The following TGFBR2 variants were observed in gnomAD, a reference collection of about 807,000 sequenced individuals.
TGFBR2 encodes the protein TGF-beta receptor type-2.
Under a neutral mutation model 49.0 loss-of-function variants are expected in TGFBR2, and 18 were observed. The ratio of observed to expected loss-of-function variants is 0.37; its 90% CI spans 0.25 to 0.54. TGFBR2 has a LOEUF of 0.54. Among genes scored for constraint, TGFBR2 ranks in the 20% least tolerant of loss-of-function variants. The pLI is 0.85. For missense variants in TGFBR2, 525 were observed against 722.6 expected, an observed-to-expected ratio of 0.73 and a Z score of 3.13; for synonymous variants, 282 against 275.9, an observed-to-expected ratio of 1.02 and a Z score of -0.22.
intron 1 of TGFBR2, among the ~76,000 whole-genome samples, chr3:30,636,857 G>A (rs544693494): frequency 2.0e-5 from 3 of 152,098 alleles, no homozygotes; most frequent in South Asian, 2.1e-4. Context: ...GAGGTCAGGA[G>A]ATCGAGACCA....
At chr3:30,636,833 G>T (rs1277129643) in intron 1 of TGFBR2, among the ~76,000 whole-genome samples, 1 of 152,030 alleles carries the variant, frequency 6.6e-6, no homozygotes, top group East Asian at 1.9e-4. Flanking sequence ...GGGAGGCCAA[G>T]GTGGGCAGAT....
At position 30,693,869 on chromosome 3, in the gene TGFBR2, A is replaced by G. The variant is rs1399340455; in HGVS notation, c.*2270A>G. 1 of 232,798 alleles carries G rather than the reference A, an allele frequency of 4.3e-6. No homozygotes were observed. Among genetic ancestry groups the G allele is most frequent in the Non-Finnish European group, 8.5e-6 (1 of 117,480 alleles). 14.4% of individuals were successfully genotyped at this position (232,798 alleles called of 1,614,324 possible). A position where few individuals can be genotyped will look rare whatever the true frequency, so the allele number is the denominator to read the frequency against. ...TTTTCTTATTCAAGAAAAAAGACCA[A>G]GGAATAACATTCTGTAGTTCCTAAA... On this transcript the variant is annotated 3_prime_UTR_variant, in exon 7 of 7. Coordinates refer to ENST00000295754, the MANE Select transcript of TGFBR2 (RefSeq NM_003242.6).
intron 1 of TGFBR2, among the ~76,000 whole-genome samples, chr3:30,610,146 G>T (rs113266185): frequency 3.0e-4 from 46 of 152,310 alleles, no homozygotes; most frequent in African/African-American, 1.1e-3. Context: ...TGCCAGGCAG[G>T]ATGCTCAGAC....
Position 30,606,942 on chromosome 3 carries a change from T to A in TGFBR2, c.59T>A (p.Ile20Asn), listed in dbSNP as rs1037753551. 1 of 1,602,550 alleles carries A rather than the reference T, an allele frequency of 6.2e-7. No homozygotes were observed. The highest frequency in any genetic ancestry group is 8.5e-7 in the Non-Finnish European group (1 of 1,174,834). ...WPLHIVLWTR[I>N]ASTIPPHVQK... ...CTGCACATCGTCCTGTGGACGCGTA[T>A]CGCCAGCACGATCCCACCGCACGTT... The change falls in exon 1 of 7, where the codon ATC becomes AAC. Residue 20 changes from isoleucine to asparagine, a missense_variant. Physicochemically the swap from Ile to Asn is moderately radical, Grantham distance 149. Transcript: ENST00000295754.
At chr3:30,644,962 A>C in intron 2 of TGFBR2, 47 bp downstream of exon 2, 1 of 1,547,958 alleles carries the variant, frequency 6.5e-7, no homozygotes, top group Non-Finnish European at 8.9e-7. Flanking sequence ...CCCTTTTTAC[A>C]TAATGTATTC....
chr3:30,671,973 A>C lies in TGFBR2; in HGVS notation c.790A>C (p.Lys264Gln). 6.2e-7 allele frequency: 1 copy of C among 1,614,176 alleles called. No individual in the cohort carries two copies. Among genetic ancestry groups the C allele is most frequent in the East Asian group, 2.2e-5 (1 of 44,874 alleles). ...TGCTGAGGTCTATAAGGCCAAGCTG[A>C]AGCAGAACACTTCAGAGCAGTTTGA... Reference protein sequence around the residue: ...RFAEVYKAKLKQNTSEQFETV... With the variant: ...RFAEVYKAKLQQNTSEQFETV... Residue 264 changes from lysine to glutamine, a missense_variant, in exon 4 of 7, where the codon AAG becomes CAG. By Grantham distance (53) the Lys-to-Gln change is moderately conservative (BLOSUM62 1). Coordinates refer to ENST00000295754, the MANE Select transcript of TGFBR2 (RefSeq NM_003242.6).
chr3:30,690,384 G>A (rs1337023720), intron 6 of TGFBR2, among the ~76,000 whole-genome samples: 1 of 152,228 alleles, frequency 6.6e-6, no homozygotes, highest in Non-Finnish European at 1.5e-5. Context: ...CTCCTTGGAT[G>A]GGAGCTTGAT....
chr3:30,612,662 T>C (rs752590447), intron 1 of TGFBR2, among the ~76,000 whole-genome samples: 1 of 152,220 alleles, frequency 6.6e-6, no homozygotes, highest in Non-Finnish European at 1.5e-5. Context: ...TGGCCACTTA[T>C]AGCAGTTGGA....
At chr3:30,654,768 C>T (rs772286466) in intron 3 of TGFBR2, among the ~76,000 whole-genome samples, 7 of 152,214 alleles carry the variant, frequency 4.6e-5, no homozygotes, top group Non-Finnish European at 1.0e-4. Context: ...ATGCTGTTTA[C>T]TTGCCAATGA....
rs1173248670 is a variant in TGFBR2 at position 30,691,675 on chromosome 3, C to G, written c.*76C>G. ...AAGAACAGAGGCAGCAGGAAGCTGC[C>G]CCTGAACTGATGCTTCCTGGAAAAC... On this transcript the variant is annotated 3_prime_UTR_variant, in exon 7 of 7. Coordinates refer to ENST00000295754, the MANE Select transcript of TGFBR2 (RefSeq NM_003242.6). 6 of 1,573,570 alleles carry G rather than the reference C, an allele frequency of 3.8e-6. No individual in the cohort carries two copies. The East Asian group carries it at 1.1e-4, about 29-fold the overall frequency.
At chr3:30,680,080 G>A (rs964875860) in intron 5 of TGFBR2, among the ~76,000 whole-genome samples, 7 of 152,174 alleles carry the variant, frequency 4.6e-5, no homozygotes, top group Admixed American at 2.0e-4. Context: ...AGCTGAGATC[G>A]TGCCACTGCA....
chr3:30,612,759 T>G (rs1698052128), intron 1 of TGFBR2, among the ~76,000 whole-genome samples: 1 of 151,990 alleles, frequency 6.6e-6, no homozygotes, highest in Non-Finnish European at 1.5e-5. Flanking sequence ...GTACAACTGC[T>G]GATGAGGGCA....
intron 2 of TGFBR2, among the ~76,000 whole-genome samples, chr3:30,647,194 C>T (rs1575144964): frequency 6.6e-6 from 1 of 152,300 alleles, no homozygotes; most frequent in South Asian, 2.1e-4. Flanking sequence ...GGACACTTTT[C>T]ATGGGTAGCC....
chr3:30,627,292 T>C (rs1196758780), intron 1 of TGFBR2, among the ~76,000 whole-genome samples: 1 of 152,186 alleles, frequency 6.6e-6, no homozygotes, highest in Non-Finnish European at 1.5e-5. Flanking sequence ...GACATTTTCC[T>C]GACAAGTCCC....
At chr3:30,657,200 G>A (rs144785418) in intron 3 of TGFBR2, among the ~76,000 whole-genome samples, 1 of 152,130 alleles carries the variant, frequency 6.6e-6, no homozygotes, top group South Asian at 2.1e-4. Context: ...CCACATTCCC[G>A]TGGTGGTGGT....
At chr3:30,649,456 G>A (rs909580604) in intron 2 of TGFBR2, among the ~76,000 whole-genome samples, 5 of 152,192 alleles carry the variant, frequency 3.3e-5, no homozygotes, top group South Asian at 2.1e-4. Flanking sequence ...AATGCTATGT[G>A]AGAAATTCTC....
intron 3 of TGFBR2, among the ~76,000 whole-genome samples, chr3:30,656,265 C>T (rs2125416353): frequency 6.6e-6 from 1 of 152,322 alleles, no homozygotes; most frequent in South Asian, 2.1e-4. Flanking sequence ...TTTAAATATA[C>T]TCCACAAATG....
chr3:30,622,503 C>T (rs1698247110), intron 1 of TGFBR2, among the ~76,000 whole-genome samples: 1 of 151,806 alleles, frequency 6.6e-6, no homozygotes, highest in Non-Finnish European at 1.5e-5. Context: ...AAATGTCTTT[C>T]ATTGTTAAAA....
Position 30,678,665 on chromosome 3 carries a change from C to T in TGFBR2, c.1396+4419C>T, listed in dbSNP as rs919258128. Among the ~76,000 whole-genome samples the T allele has an allele frequency of 3.0e-4, 46 of 151,912 alleles. 1 individual carries two copies. The highest frequency in any genetic ancestry group is 1.1e-3 in the African/African-American group (45 of 41,348). ...ACATGACAAGTATAGTGGATCTACC[C>T]ACTGAAGGAGAGTAAGTGTGGCTGC... On this transcript the variant is annotated intron_variant, in intron 5 of 6. Coordinates refer to ENST00000295754, the MANE Select transcript of TGFBR2 (RefSeq NM_003242.6).
Sources: allele counts gnomAD v4.1 joint callset (sites outside exome capture counted in the v4.1 genomes callset), GRCh38; gene constraint gnomAD v4.1.1; transcripts MANE v1.5; gene names NCBI Gene and HGNC (gene_info 2026-07-23, HGNC 2026-07-21).